Variants in ABCF2 observed in about 807,000 individuals in gnomAD.
ABCF2 encodes the protein ATP-binding cassette sub-family F member 2.
A neutral mutation model predicts 76.9 loss-of-function variants in ABCF2; 37 were observed. The ratio of observed to expected loss-of-function variants is 0.48; its 90% CI spans 0.37 to 0.63. The LOEUF (loss-of-function observed/expected upper bound fraction) is 0.63. ABCF2 is among the 30% of genes least tolerant of loss of function. ABCF2 has a pLI of 0.00. For synonymous variants in ABCF2, 299 were observed against 283.7 expected, an observed-to-expected ratio of 1.05 and a Z score of -0.54; for missense variants, 524 against 782.1, an observed-to-expected ratio of 0.67 and a Z score of 3.94.
At chr7:151,222,655 A>G in intron 5 of ABCF2, 39 bp from the exon 6 acceptor site, 1 of 1,550,004 alleles carries the variant, frequency 6.5e-7, no homozygotes, top group South Asian at 1.1e-5. Flanking sequence ...CCTCAGAATT[A>G]TAATGGATGT....
Position 151,221,683 on chromosome 7 carries a change from G to A in ABCF2, c.819-3C>T, listed in dbSNP as rs373214439. ...CGAGGACCAAGATGCGCTTAAAACT[G>A]TAAAGCCAAAGAACCAATTAGTGAA... On this transcript the variant is annotated splice_polypyrimidine_tract_variant and splice_region_variant and intron_variant, in intron 6 of 14. Coordinates refer to ENST00000287844, the MANE Select transcript of ABCF2 (RefSeq NM_007189.3). 4.3e-4 allele frequency: 682 copies of A among 1,603,490 alleles called. 9 individuals are homozygous for A. The South Asian group carries it at 6.2e-3, about 15-fold the overall frequency.
intron 2 of ABCF2, among the ~76,000 whole-genome samples, chr7:151,225,619 G>C (rs148056118): frequency 6.6e-6 from 1 of 152,248 alleles, no homozygotes; most frequent in Non-Finnish European, 1.5e-5. Flanking sequence ...AAAGGACAGA[G>C]ATGTGGTGAC....
At position 151,212,948 on chromosome 7, in the gene ABCF2, A is replaced by G. The variant is rs1802077068; in HGVS notation, c.*1106T>C. ...TGAGCAGGTGGGATTCCAGGCACAT[A>G]AAGACGGGTTTTGCCATGTTTCCCA... On this transcript the variant is annotated 3_prime_UTR_variant, in exon 15 of 15. Coordinates refer to ENST00000287844, the MANE Select transcript of ABCF2 (RefSeq NM_007189.3). 3 of 451,080 alleles carry G rather than the reference A, an allele frequency of 6.7e-6. No homozygotes were observed. The highest frequency in any genetic ancestry group is 8.8e-6 in the Non-Finnish European group (3 of 341,874). 27.9% of individuals were successfully genotyped at this position (451,080 alleles called of 1,614,324 possible).
Position 151,213,224 on chromosome 7 carries a change from C to G in ABCF2, c.*830G>C. On this transcript the variant is annotated 3_prime_UTR_variant, in exon 15 of 15. Transcript: ENST00000287844. Reference sequence around the variant, plus strand: ...CTAGAAATGTTAACGTTCTTGGTCTCCCCCAAAACCTATTGAACCAGAAAC... The same window carrying G: ...CTAGAAATGTTAACGTTCTTGGTCTGCCCCAAAACCTATTGAACCAGAAAC... 1 of 978,942 alleles carries G rather than the reference C, an allele frequency of 1.0e-6. No homozygotes were observed. Among genetic ancestry groups the G allele is most frequent in the Non-Finnish European group, 1.2e-6 (1 of 824,052 alleles). The allele number at this position is 978,942 out of a possible 1,614,324, so 60.6% of individuals were successfully genotyped here. A position where few individuals can be genotyped will look rare whatever the true frequency, so the allele number is the denominator to read the frequency against.
At position 151,225,377 on chromosome 7, in the gene ABCF2, A is replaced by T. The variant is rs188409705; in HGVS notation, c.155-389T>A. Among the ~76,000 whole-genome samples the T allele has an allele frequency of 4.8e-3, 729 of 152,240 alleles. 3 individuals carry two copies. Among genetic ancestry groups the T allele is most frequent in the African/African-American group, 0.016 (672 of 41,518 alleles). On this transcript the variant is annotated intron_variant, in intron 2 of 14. Transcript: ENST00000287844. Reference sequence around the variant, plus strand: ...AGTGTCTACCTGAGAAGCAAGTCATAAAAAAAACCCAAGACAGGGTCCTTG... The same window carrying T: ...AGTGTCTACCTGAGAAGCAAGTCATTAAAAAAACCCAAGACAGGGTCCTTG...
rs1218386704 is a variant in ABCF2, at chr7:151,213,913, T to C, written c.*141A>G. 9.5e-6 allele frequency: 14 copies of C among 1,473,158 alleles called. No individual in the cohort carries two copies. Among genetic ancestry groups the C allele is most frequent in the Non-Finnish European group, 1.2e-5 (14 of 1,120,876 alleles). The allele number at this position is 1,473,158 out of a possible 1,614,324, so 91.3% of individuals were successfully genotyped here. ...GGTAAGAGAGTGCAGCTAAGGCAGG[T>C]TGAGGGGCAGGGGAGAGGCTGGGGG... On this transcript the variant is annotated 3_prime_UTR_variant, in exon 15 of 15. Transcript: ENST00000287844.
intron 10 of ABCF2, 102 bp downstream of exon 10, chr7:151,218,459 G>A (rs13227935): frequency 0.091 from 96,103 of 1,054,728 alleles, 4,866 homozygotes; most frequent in Admixed American, 0.14. Context: ...CCCAGAGCAC[G>A]TGGGCTAGCA....
At chr7:151,225,928 T>C (rs552607676) in intron 2 of ABCF2, among the ~76,000 whole-genome samples, 2 of 152,176 alleles carry the variant, frequency 1.3e-5, no homozygotes, top group Non-Finnish European at 2.9e-5. Context: ...CTCTTGTAGG[T>C]AGAGCCACTA....
chr7:151,218,708 G>A, intron 9 of ABCF2, 46 bp downstream of exon 9: 1 of 1,613,042 alleles, frequency 6.2e-7, no homozygotes, highest in South Asian at 1.1e-5. Flanking sequence ...CCTCACCTTA[G>A]GCCACCCAAC....
chr7:151,212,542 A>G lies in ABCF2; in HGVS notation c.*1512T>C. 1.0e-6 allele frequency: 1 copy of G among 972,514 alleles called. No individual in the cohort carries two copies. The highest frequency in any genetic ancestry group is 1.2e-6 in the Non-Finnish European group (1 of 818,218). 60.2% of individuals were successfully genotyped at this position (972,514 alleles called of 1,614,324 possible). ...TGAGACAGTGTCTCGGTCTGTCATC[A>G]GGCTGGAGTGTAGCGGCACGCTCTG... On this transcript the variant is annotated 3_prime_UTR_variant, in exon 15 of 15. Transcript: ENST00000287844.
At chr7:151,218,724 C>T in intron 9 of ABCF2, 30 bp downstream of exon 9, 1 of 1,612,756 alleles carries the variant, frequency 6.2e-7, no homozygotes, top group Non-Finnish European at 8.5e-7. Context: ...CCAACCCCAC[C>T]CAATCACACC....
intron 1 of ABCF2, chr7:151,226,723 C>T (rs888363172): frequency 5.6e-6 from 2 of 358,782 alleles, no homozygotes; most frequent in Non-Finnish European, 1.0e-5. Context: ...ACCAGTCCCC[C>T]ACGGACTGCC....
chr7:151,219,659 G>A (rs1802227125), intron 7 of ABCF2, among the ~76,000 whole-genome samples: 1 of 152,174 alleles, frequency 6.6e-6, no homozygotes, highest in Admixed American at 6.5e-5. Flanking sequence ...ATATCCACCA[G>A]AAAGGGCCTA....
At chr7:151,222,703 T>TCTC in intron 5 of ABCF2, 87 bp from the exon 6 acceptor site, 2 of 1,037,100 alleles carry the variant, frequency 1.9e-6, no homozygotes, top group Non-Finnish European at 2.9e-6. Context: ...TACATGCAAT[T>TCTC]CTGAGTAGGC....
chr7:151,211,797 AG>A lies in ABCF2; in HGVS notation c.*2256del. 1 of 985,394 alleles carries A rather than the reference AG, an allele frequency of 1.0e-6. No homozygotes were observed. The highest frequency in any genetic ancestry group is 1.2e-6 in the Non-Finnish European group (1 of 829,932). 61.0% of individuals were successfully genotyped at this position (985,394 alleles called of 1,614,324 possible). A position where few individuals can be genotyped will look rare whatever the true frequency, so the allele number is the denominator to read the frequency against. ...AGACTAACCTGGGCCATTTTGCTCC[AG>A]GCCCCACTTAAGGCATAAAGCAGTC... On this transcript the variant is annotated 3_prime_UTR_variant, in exon 15 of 15. Coordinates refer to ENST00000287844, the MANE Select transcript of ABCF2 (RefSeq NM_007189.3).
rs1802108250 is a variant in ABCF2, at chr7:151,214,360, A to G, written c.1735-169T>C. Among the ~76,000 whole-genome samples the G allele has an allele frequency of 6.6e-6, 1 of 152,158 alleles. No homozygotes were observed. The highest frequency in any genetic ancestry group is 2.4e-5 in the African/African-American group (1 of 41,428). On this transcript the variant is annotated intron_variant, in intron 14 of 14. Coordinates refer to ENST00000287844, the MANE Select transcript of ABCF2 (RefSeq NM_007189.3). The surrounding 1 kb of genome is among the most constrained non-coding windows in gnomAD (Gnocchi z 4.9). ...TGGGATGTTCTAACCCAAGGGTACC[A>G]TCATCAGGTTTGGAGCCTTCCAAGC...
chr7:151,218,090 T>A lies in ABCF2; in HGVS notation c.1329A>T (p.Leu443=), dbSNP rs1802188331. The A allele has an allele frequency of 1.2e-6, 2 of 1,612,976 alleles. No homozygotes were observed. The highest frequency in any genetic ancestry group is 4.5e-5 in the East Asian group (2 of 44,878). The part of the protein sequence containing the change: ...GAGKSTLLKL[L]TGELLPTDGM... ...CACCTTGGCACCATACCTCTCCAGT[T>A]AGCAGCTTCAGAAGAGTTGACTTCC... The change falls in exon 11 of 15, where the codon CTA becomes CTT. Residue 443 remains leucine (L), a synonymous_variant. Coordinates refer to ENST00000287844, the MANE Select transcript of ABCF2 (RefSeq NM_007189.3).
In ABCF2 at chr7:151,218,067, C is replaced by G. The variant is rs746877028; in HGVS notation, c.1338+14G>C. On this transcript the variant is annotated intron_variant, in intron 11 of 14. Transcript: ENST00000287844. Reference sequence around the variant, plus strand: ...CTAATCTTAGAGGGATCCACGCCCACCTTGGCACCATACCTCTCCAGTTAG... The same window carrying G: ...CTAATCTTAGAGGGATCCACGCCCAGCTTGGCACCATACCTCTCCAGTTAG... 6.3e-7 allele frequency: 1 copy of G among 1,592,186 alleles called. No individual in the cohort carries two copies. Among genetic ancestry groups the G allele is most frequent in the Non-Finnish European group, 8.6e-7 (1 of 1,160,250 alleles).
chr7:151,222,481 TG>T lies in ABCF2; in HGVS notation c.818+39del. The T allele has an allele frequency of 1.9e-6, 3 of 1,540,704 alleles. No individual in the cohort carries two copies. In the East Asian group the frequency reaches 6.8e-5, roughly 35 times the overall value. On this transcript the variant is annotated intron_variant, in intron 6 of 14. Coordinates refer to ENST00000287844, the MANE Select transcript of ABCF2 (RefSeq NM_007189.3). ...GCATCCATTTTCTAGATTCCCCCTT[TG>T]GGACCTGCCCGCTCACATCCCCCAT...
Sources: gnomAD v4.1 joint callset for allele counts (sites outside exome capture counted in the v4.1 genomes callset) on GRCh38, gnomAD v4.1.1 for gene constraint, Gnocchi (gnomAD v3.1) non-coding constraint, MANE v1.5 for transcripts, NCBI Gene and HGNC (gene_info 2026-07-23, HGNC 2026-07-21) for gene names.